Variants in SUPT3H observed in about 807,000 individuals in gnomAD.
SUPT3H encodes SPT3 homolog, SAGA and STAGA complex component, also known as transcription initiation protein SPT3 homolog.
A neutral mutation model predicts 44.3 loss-of-function variants in SUPT3H; 44 were observed. That is an observed-to-expected ratio of 0.99 (90% confidence interval 0.78 to 1.28). The LOEUF (loss-of-function observed/expected upper bound fraction) is 1.28. SUPT3H is among the 50% of genes most tolerant of loss of function. SUPT3H has a pLI of 0.00. For synonymous variants in SUPT3H, 124 were observed against 125.6 expected, an observed-to-expected ratio of 0.99 and a Z score of 0.09; for missense variants, 380 against 387.1, an observed-to-expected ratio of 0.98 and a Z score of 0.15.
At chr6:44,820,209 A>AC (rs1251489589) in intron 11 of SUPT3H, among the ~76,000 whole-genome samples, 1 of 152,166 alleles carries the variant, frequency 6.6e-6, no homozygotes, top group Admixed American at 6.5e-5. Flanking sequence ...ACAGAGTGAG[A>AC]CCCCATCTCA....
At chr6:45,071,932 A>G (rs1000484132) in intron 3 of SUPT3H, among the ~76,000 whole-genome samples, 94 of 152,164 alleles carry the variant, frequency 6.2e-4, no homozygotes, top group African/African-American at 2.2e-3. Flanking sequence ...GAGGAGGGGT[A>G]ATCTCCTGGC....
intron 2 of SUPT3H, among the ~76,000 whole-genome samples, chr6:45,178,776 C>A (rs184080324): frequency 7.2e-5 from 11 of 152,250 alleles, no homozygotes; most frequent in Non-Finnish European, 1.6e-4. Context: ...CAAAAGCGCT[C>A]AAGTACATGG....
At chr6:45,103,164 T>C (rs1324461594) in intron 3 of SUPT3H, among the ~76,000 whole-genome samples, 1 of 152,206 alleles carries the variant, frequency 6.6e-6, no homozygotes, top group African/African-American at 2.4e-5. Context: ...CTCTGACATA[T>C]GCCTGGATAT....
intron 10 of SUPT3H, among the ~76,000 whole-genome samples, chr6:44,905,404 A>C (rs76241848): frequency 3.0e-5 from 1 of 32,986 alleles, no homozygotes; most frequent in Non-Finnish European, 6.4e-5. Flanking sequence ...ATGCAGCCGA[A>C]AGACACATGA....
intron 10 of SUPT3H, among the ~76,000 whole-genome samples, chr6:44,904,867 A>T (rs977345174): frequency 6.6e-6 from 1 of 152,230 alleles, no homozygotes; most frequent in African/African-American, 2.4e-5. Flanking sequence ...ATAATGCCAC[A>T]TATCTACAAC....
intron 10 of SUPT3H, among the ~76,000 whole-genome samples, chr6:44,901,477 A>AC (rs1765039361): frequency 7.9e-5 from 12 of 151,514 alleles, no homozygotes; most frequent in African/African-American, 2.9e-4. Flanking sequence ...TAGAGAAAAA[A>AC]GAATAAAAAG....
chr6:45,167,019 TTATACA>T (rs1810000673), intron 2 of SUPT3H, among the ~76,000 whole-genome samples: 7 of 152,188 alleles, frequency 4.6e-5, no homozygotes, highest in Non-Finnish European at 7.4e-5. Context: ...AATTCCACTC[TTATACA>T]TATACACCCA....
intron 11 of SUPT3H, among the ~76,000 whole-genome samples, chr6:44,816,464 A>C (rs976142775): frequency 2.0e-5 from 3 of 152,220 alleles, no homozygotes; most frequent in African/African-American, 7.2e-5. Flanking sequence ...TCTATCTAAG[A>C]AATAGCCTTA....
Position 44,829,177 on chromosome 6 carries a change from G to A in SUPT3H, c.*639C>T, listed in dbSNP as rs1768168383. On this transcript the variant is annotated 3_prime_UTR_variant, in exon 11 of 11. Transcript: ENST00000371459. ...AAATGAAGATGGAGGAAGAGGTTCT[G>A]TGTGAGGAAAAACACACATGAAAGG... 6.6e-6 allele frequency: 1 copy of A among 152,506 alleles called. No homozygotes were observed. Among genetic ancestry groups the A allele is most frequent in the African/African-American group, 2.4e-5 (1 of 41,450 alleles). 9.4% of individuals were successfully genotyped at this position (152,506 alleles called of 1,614,324 possible).
chr6:45,042,419 G>C (rs1049994883), intron 3 of SUPT3H, among the ~76,000 whole-genome samples: 2 of 152,110 alleles, frequency 1.3e-5, no homozygotes, highest in South Asian at 2.1e-4. Flanking sequence ...GGGAGACTTC[G>C]TCTCAAAACA....
intron 3 of SUPT3H, among the ~76,000 whole-genome samples, chr6:45,044,913 A>G (rs1200331660): frequency 6.6e-6 from 1 of 152,164 alleles, no homozygotes; most frequent in African/African-American, 2.4e-5. Context: ...TAGTGTTACA[A>G]ATTGTCAGTG....
intron 5 of SUPT3H, among the ~76,000 whole-genome samples, chr6:45,013,787 G>GTAGAATTT (rs1783837797): frequency 6.6e-6 from 1 of 152,022 alleles, no homozygotes; most frequent in Non-Finnish European, 1.5e-5. Flanking sequence ...GGGTAAAATT[G>GTAGAATTT]TTGCCCTAGA....
chr6:44,840,469 A>G (rs965599188), intron 10 of SUPT3H, among the ~76,000 whole-genome samples: 1 of 152,218 alleles, frequency 6.6e-6, no homozygotes, highest in African/African-American at 2.4e-5. Context: ...AAAAGATGGG[A>G]GAAAAAAGCA....
At chr6:44,913,935 CT>C (rs1332024790) in intron 10 of SUPT3H, among the ~76,000 whole-genome samples, 1 of 152,124 alleles carries the variant, frequency 6.6e-6, no homozygotes, top group East Asian at 1.9e-4. Flanking sequence ...CAACTATCAA[CT>C]TGAGTCCTCA....
chr6:45,373,274 C>T (rs186576515), intron 1 of SUPT3H, among the ~76,000 whole-genome samples: 1 of 152,188 alleles, frequency 6.6e-6, no homozygotes, highest in East Asian at 1.9e-4. Context: ...CTTATTTAAC[C>T]TTCACTACCC....
chr6:44,927,019 T>C lies in SUPT3H; in HGVS notation c.912+5634A>G, dbSNP rs557581545. Reference sequence around the variant, plus strand: ...GAATTTCACTTCTAGTAATCTATCATAAGGAAACAACTAGATAGATGGATA... The same window carrying C: ...GAATTTCACTTCTAGTAATCTATCACAAGGAAACAACTAGATAGATGGATA... On this transcript the variant is annotated intron_variant, in intron 10 of 10. Coordinates refer to ENST00000371459, the MANE Select transcript of SUPT3H (RefSeq NM_003599.4). Among the ~76,000 whole-genome samples the C allele has an allele frequency of 5.8e-4, 89 of 152,270 alleles. 1 individual carries two copies. Among genetic ancestry groups the C allele is most frequent in the African/African-American group, 2.1e-3 (87 of 41,560 alleles).
intron 2 of SUPT3H, among the ~76,000 whole-genome samples, chr6:45,199,314 C>A (rs940968710): frequency 6.6e-6 from 1 of 151,128 alleles, no homozygotes; most frequent in Admixed American, 6.6e-5. Context: ...CCCTTCAGAA[C>A]TTAAAATTAT....
intron 3 of SUPT3H, among the ~76,000 whole-genome samples, chr6:45,086,212 GT>G (rs368587497): frequency 1.4e-4 from 22 of 152,068 alleles, no homozygotes; most frequent in African/African-American, 4.3e-4. Flanking sequence ...TTCATTATCT[GT>G]ATTGGCCAAC....
chr6:44,851,474 C>T (rs955232709), intron 10 of SUPT3H, among the ~76,000 whole-genome samples: 2 of 152,122 alleles, frequency 1.3e-5, no homozygotes, highest in Non-Finnish European at 2.9e-5. Flanking sequence ...ATTGATCTAC[C>T]AAAATACTCA....
Sources: allele counts gnomAD v4.1 joint callset (sites outside exome capture counted in the v4.1 genomes callset), GRCh38; gene constraint gnomAD v4.1.1; transcripts MANE v1.5; gene names NCBI Gene and HGNC (gene_info 2026-07-23, HGNC 2026-07-21).